The following SOX6 variants were observed in gnomAD, a reference collection of about 807,000 sequenced individuals.
The protein encoded by SOX6 is transcription factor SOX-6.
Under a neutral mutation model 97.8 loss-of-function variants are expected in SOX6, and 11 were observed. The ratio of observed to expected loss-of-function variants is 0.11; its 90% CI spans 0.07 to 0.19. SOX6 has a LOEUF of 0.19. Among genes scored for constraint, SOX6 ranks in the 10% least tolerant of loss-of-function variants. SOX6 has a pLI of 1.00. For synonymous variants in SOX6, 360 were observed against 371.4 expected (o/e 0.97, Z 0.35); for missense variants, 810 against 1,039.5 (o/e 0.78, Z 3.04).
intron 6 of SOX6, among the ~76,000 whole-genome samples, chr11:16,131,936 A>T (rs887718729): frequency 1.7e-4 from 26 of 152,132 alleles, no homozygotes; most frequent in African/African-American, 6.3e-4. Flanking sequence ...CAGAGGACAC[A>T]AGGAAACTCT....
intron 3 of SOX6, among the ~76,000 whole-genome samples, chr11:16,690,277 T>C (rs1446022709): frequency 6.6e-6 from 1 of 152,340 alleles, no homozygotes; most frequent in East Asian, 1.9e-4. Flanking sequence ...AAGAGATACA[T>C]CATTCCTCTC....
chr11:16,637,900 A>G (rs1214767293), intron 3 of SOX6, among the ~76,000 whole-genome samples: 1 of 151,534 alleles, frequency 6.6e-6, no homozygotes, highest in Non-Finnish European at 1.5e-5. Context: ...TTTTTTGGAC[A>G]TAGGGTCTCA....
intron 9 of SOX6, among the ~76,000 whole-genome samples, chr11:16,081,036 C>A (rs1252297800): frequency 6.6e-6 from 1 of 151,924 alleles, no homozygotes; most frequent in Non-Finnish European, 1.5e-5. Flanking sequence ...CTGAAGTGAG[C>A]TATGATTGTA....
intron 7 of SOX6, among the ~76,000 whole-genome samples, chr11:16,106,092 A>G (rs1245565010): frequency 6.6e-6 from 1 of 152,130 alleles, no homozygotes; most frequent in East Asian, 1.9e-4. Context: ...GCTCATGGGT[A>G]GGAAGATTTA....
At chr11:16,146,972 A>G (rs1373210430) in intron 6 of SOX6, among the ~76,000 whole-genome samples, 1 of 152,204 alleles carries the variant, frequency 6.6e-6, no homozygotes, top group East Asian at 1.9e-4. Context: ...AGAACTAGAA[A>G]TACCATTTGA....
intron 1 of SOX6, among the ~76,000 whole-genome samples, chr11:16,458,492 G>A (rs1271856237): frequency 2.0e-5 from 3 of 152,054 alleles, no homozygotes; most frequent in Non-Finnish European, 4.4e-5. Context: ...GAAATAAGTA[G>A]TTCAGGAAGG....
intron 13 of SOX6, among the ~76,000 whole-genome samples, chr11:15,992,932 G>A (rs2119822503): frequency 6.6e-6 from 1 of 151,838 alleles, no homozygotes; most frequent in East Asian, 1.9e-4. Flanking sequence ...TCTATTACCT[G>A]AATTTACAAT....
intron 3 of SOX6, among the ~76,000 whole-genome samples, chr11:16,619,279 G>A (rs1848510832): frequency 6.7e-6 from 1 of 149,550 alleles, no homozygotes; most frequent in African/African-American, 2.4e-5. Context: ...ACTGATGTTT[G>A]TCCTTGATAT....
At chr11:16,545,881 A>T (rs1442913524) in intron 4 of SOX6, among the ~76,000 whole-genome samples, 1 of 152,124 alleles carries the variant, frequency 6.6e-6, no homozygotes, top group African/African-American at 2.4e-5. Flanking sequence ...GAGCCCAGGC[A>T]GTTGAGGCTG....
intron 12 of SOX6, among the ~76,000 whole-genome samples, chr11:16,037,098 TTGA>T (rs1220471997): frequency 6.6e-6 from 1 of 152,196 alleles, no homozygotes; most frequent in East Asian, 1.9e-4. Context: ...AATATTTGTT[TTGA>T]TGATAATCAT....
intron 7 of SOX6, among the ~76,000 whole-genome samples, chr11:16,098,670 A>G (rs923874787): frequency 1.3e-5 from 2 of 151,916 alleles, no homozygotes; most frequent in African/African-American, 4.8e-5. Flanking sequence ...CTACTTATTT[A>G]AAGTCAGCGT....
intron 4 of SOX6, among the ~76,000 whole-genome samples, chr11:16,538,957 G>T (rs964296998): frequency 1.3e-5 from 2 of 152,152 alleles, no homozygotes; most frequent in African/African-American, 4.8e-5. Context: ...TTTGAACTCA[G>T]CTCTGCACCA....
At chr11:16,416,400 G>A (rs1858927223) in intron 1 of SOX6, among the ~76,000 whole-genome samples, 2 of 152,112 alleles carry the variant, frequency 1.3e-5, no homozygotes, top group South Asian at 2.1e-4. Flanking sequence ...CTGAATTGTA[G>A]GCAGTCTTCC....
At position 16,161,724 on chromosome 11, in the gene SOX6, G is replaced by A. The variant is rs116131135; in HGVS notation, c.777+22162C>T. 7.6e-3 allele frequency among the ~76,000 whole-genome samples: 1,152 copies of A among 152,114 alleles called. 20 individuals are homozygous for A. The highest frequency in any genetic ancestry group is 0.026 in the African/African-American group (1,071 of 41,498). ...TTTTCTCATTTTTCTTTTTTCTTCT[G>A]TCCTTTGACATAACTAGAACCTGGC... On this transcript the variant is annotated intron_variant, in intron 6 of 15. Coordinates refer to ENST00000683767, the MANE Select transcript of SOX6 (RefSeq NM_001367873.1).
intron 1 of SOX6, among the ~76,000 whole-genome samples, chr11:16,439,423 T>C (rs1859458668): frequency 6.6e-6 from 1 of 152,128 alleles, no homozygotes; most frequent in African/African-American, 2.4e-5. Flanking sequence ...AACAAAGAAG[T>C]TGTATCAGGG....
intron 4 of SOX6, among the ~76,000 whole-genome samples, chr11:16,196,024 C>G (rs1851765513): frequency 6.6e-6 from 1 of 152,136 alleles, no homozygotes; most frequent in South Asian, 2.1e-4. Context: ...CATACTGTGC[C>G]CATTTCTAGG....
chr11:16,638,020 G>C (rs375031770), intron 3 of SOX6, among the ~76,000 whole-genome samples: 14 of 149,888 alleles, frequency 9.3e-5, no homozygotes, highest in African/African-American at 2.9e-4. Flanking sequence ...CCATTAAATC[G>C]TCATTTACAT....
intron 4 of SOX6, among the ~76,000 whole-genome samples, chr11:16,537,932 C>T (rs887639685): frequency 6.6e-6 from 1 of 152,094 alleles, no homozygotes; most frequent in African/African-American, 2.4e-5. Flanking sequence ...ACTTCCCCAA[C>T]CTAGCAAGGC....
At chr11:16,488,718 T>C (rs1217836133) in intron 4 of SOX6, among the ~76,000 whole-genome samples, 1 of 152,140 alleles carries the variant, frequency 6.6e-6, no homozygotes, top group East Asian at 1.9e-4. Context: ...TTAGGTCTTT[T>C]GCTCACTCTC....
Sources: allele counts gnomAD v4.1 joint callset (sites outside exome capture counted in the v4.1 genomes callset), GRCh38; gene constraint gnomAD v4.1.1; transcripts MANE v1.5; gene names NCBI Gene and HGNC (gene_info 2026-07-23, HGNC 2026-07-21).